The following UNC13C variants were observed in gnomAD, a reference collection of about 807,000 sequenced individuals.
UNC13C encodes the protein unc-13 homolog C.
A neutral mutation model predicts 245.4 loss-of-function variants in UNC13C; 174 were observed. The observed-to-expected ratio is 0.71, with a 90% CI of 0.63 to 0.80. UNC13C has a LOEUF of 0.80. Ranked by LOEUF, UNC13C falls within the 30% of genes least tolerant of loss-of-function variation. The pLI, the probability that UNC13C is intolerant of heterozygous loss-of-function variation, is 0.00. For missense variants in UNC13C, 2,829 were observed against 2,602.9 expected (o/e 1.09, Z -1.89); for synonymous variants, 992 against 895.1 (o/e 1.11, Z -1.93).
the UNC13C span, among the ~76,000 whole-genome samples, chr15:53,883,135 A>G: frequency 3.9e-5 from 6 of 152,316 alleles, no homozygotes; most frequent in East Asian, 9.6e-4. Flanking sequence ...CTCTGTAGGA[A>G]AAGATTTAAT....
chr15:54,571,001 G>T (rs1029967483), intron 30 of UNC13C, among the ~76,000 whole-genome samples: 9 of 152,240 alleles, frequency 5.9e-5, no homozygotes, highest in African/African-American at 1.9e-4. Context: ...AGAGGCATTT[G>T]GGTTCCACCC....
intron 4 of UNC13C, among the ~76,000 whole-genome samples, chr15:54,185,029 C>T (rs1270225739): frequency 6.6e-6 from 1 of 152,166 alleles, no homozygotes; most frequent in Non-Finnish European, 1.5e-5. Flanking sequence ...TGATGATGAG[C>T]ATTTTTTCAT....
At chr15:54,532,511 C>T (rs1008183732) in intron 25 of UNC13C, among the ~76,000 whole-genome samples, 5 of 152,162 alleles carry the variant, frequency 3.3e-5, no homozygotes, top group Admixed American at 1.3e-4. Context: ...AAAGGAACAA[C>T]ATCATGTCCT....
chr15:54,412,049 A>T (rs1254019808), intron 18 of UNC13C, among the ~76,000 whole-genome samples: 2 of 152,072 alleles, frequency 1.3e-5, no homozygotes, highest in African/African-American at 4.8e-5. Flanking sequence ...ATGCTGCATT[A>T]GTCCATTTTG....
the UNC13C span, among the ~76,000 whole-genome samples, chr15:53,858,751 T>C: frequency 6.6e-6 from 1 of 152,092 alleles, no homozygotes; most frequent in African/African-American, 2.4e-5. Context: ...AACAAAAACA[T>C]GTTTATCTGT....
At chr15:54,604,899 G>T (rs184217491) in intron 30 of UNC13C, among the ~76,000 whole-genome samples, 7 of 152,262 alleles carry the variant, frequency 4.6e-5, no homozygotes, top group Admixed American at 4.6e-4. Flanking sequence ...TCTGGACCCA[G>T]ACCTACCTAA....
intron 17 of UNC13C, among the ~76,000 whole-genome samples, chr15:54,368,030 C>G (rs1165629624): frequency 1.3e-5 from 2 of 152,142 alleles, no homozygotes; most frequent in South Asian, 2.1e-4. Flanking sequence ...CTAGGGTTCA[C>G]TAGGCTGAGA....
At chr15:54,028,647 T>C (rs955357872) in intron 2 of UNC13C, among the ~76,000 whole-genome samples, 3 of 150,120 alleles carry the variant, frequency 2.0e-5, no homozygotes, top group African/African-American at 7.4e-5. Flanking sequence ...CCAAGCACAG[T>C]GGTTAAGACC....
intron 2 of UNC13C, among the ~76,000 whole-genome samples, chr15:54,080,803 G>A (rs527748867): frequency 2.0e-5 from 3 of 151,358 alleles, no homozygotes; most frequent in Non-Finnish European, 4.4e-5. Flanking sequence ...TTGTTTTTTG[G>A]GGTCACAATT....
At chr15:54,569,927 C>G (rs1170764510) in intron 30 of UNC13C, among the ~76,000 whole-genome samples, 1 of 151,960 alleles carries the variant, frequency 6.6e-6, no homozygotes, top group Admixed American at 6.6e-5. Context: ...TCCTATCCAC[C>G]CTCGCCCAGC....
At chr15:53,998,140 A>C (rs1230563803) in intron 1 of UNC13C, among the ~76,000 whole-genome samples, 2 of 152,142 alleles carry the variant, frequency 1.3e-5, no homozygotes, top group Non-Finnish European at 2.9e-5. Context: ...TAAGTATTCT[A>C]GAATCTTTCC....
At chr15:54,495,361 G>A (rs1403090848) in intron 20 of UNC13C, among the ~76,000 whole-genome samples, 2 of 152,020 alleles carry the variant, frequency 1.3e-5, no homozygotes, top group African/African-American at 4.8e-5. Context: ...ATGCTGATAA[G>A]CTTAAATATC....
chr15:54,198,351 C>A (rs1358663928), intron 4 of UNC13C, among the ~76,000 whole-genome samples: 1 of 152,066 alleles, frequency 6.6e-6, no homozygotes, highest in East Asian at 1.9e-4. Flanking sequence ...CCCTGTAGAA[C>A]CACAGCTGAT....
At chr15:53,956,875 AGTGT>A in the UNC13C span, among the ~76,000 whole-genome samples, 3,468 of 139,800 alleles carry the variant, frequency 0.025, 150 homozygotes, top group African/African-American at 0.086. Context: ...GTTAAGCTCA[AGTGT>A]GTGTGTGTGT....
At chr15:54,201,744 G>T (rs896976154) in intron 4 of UNC13C, among the ~76,000 whole-genome samples, 1 of 151,902 alleles carries the variant, frequency 6.6e-6, no homozygotes. Flanking sequence ...TTTCCCCTGA[G>T]AACTGGAACA....
At chr15:54,512,439 CT>C (rs1894793118) in intron 24 of UNC13C, 2 of 448,040 alleles carry the variant, frequency 4.5e-6, no homozygotes, top group Non-Finnish European at 8.9e-6. Context: ...CACTCCATAC[CT>C]AAAGACCATT....
chr15:53,876,995 T>C, the UNC13C span, among the ~76,000 whole-genome samples: 1 of 152,186 alleles, frequency 6.6e-6, no homozygotes. Flanking sequence ...TCTTCAGAAA[T>C]CACTGAGACC....
intron 4 of UNC13C, among the ~76,000 whole-genome samples, chr15:54,194,276 T>A (rs147104364): frequency 6.6e-6 from 1 of 152,136 alleles, no homozygotes; most frequent in Non-Finnish European, 1.5e-5. Context: ...CTTAGGCAAA[T>A]GCTGTTTTAT....
At chr15:54,234,787 C>T (rs901637545) in intron 4 of UNC13C, among the ~76,000 whole-genome samples, 1 of 152,158 alleles carries the variant, frequency 6.6e-6, no homozygotes, top group African/African-American at 2.4e-5. Context: ...CCATCCAGGC[C>T]ATGTATATCT....
Sources: allele counts gnomAD v4.1 joint callset (sites outside exome capture counted in the v4.1 genomes callset), GRCh38; gene constraint gnomAD v4.1.1; transcripts MANE v1.5; gene names NCBI Gene and HGNC (gene_info 2026-07-23, HGNC 2026-07-21).